The following TMPRSS11B variants were observed in gnomAD, a reference collection of about 807,000 sequenced individuals.
TMPRSS11B encodes the protein transmembrane serine protease 11B.
In TMPRSS11B, 53 loss-of-function variants were observed where a neutral mutation model predicts 44.7. The observed-to-expected ratio is 1.19, with a 90% CI of 0.95 to 1.49. The LOEUF is 1.49. TMPRSS11B is among the 40% of genes most tolerant of loss of function. The pLI, the probability that TMPRSS11B is intolerant of heterozygous loss-of-function variation, is 0.00. For synonymous variants in TMPRSS11B, 140 were observed against 159.2 expected, an observed-to-expected ratio of 0.88 and a Z score of 0.91; for missense variants, 526 against 494.8, an observed-to-expected ratio of 1.06 and a Z score of -0.60.
At chr4:68,245,209 A>G (rs576023666) in intron 1 of TMPRSS11B, among the ~76,000 whole-genome samples, 1 of 152,278 alleles carries the variant, frequency 6.6e-6, no homozygotes, top group South Asian at 2.1e-4. Context: ...AGAAAATTTG[A>G]TTTCAATTAC....
At position 68,227,948 on chromosome 4, in the gene TMPRSS11B, G is replaced by A. The variant is rs774974683; in HGVS notation, c.1214C>T (p.Ser405Phe). The change falls in exon 10 of 10, where the codon TCT becomes TTT. Residue 405 changes from serine (S) to phenylalanine (F), a missense_variant. Transcript: ENST00000332644. Reference sequence around the variant, plus strand: ...CTTGGATGTAATCCAATTGCGATAAGAAGTCACTCGAGTATAGACACCTGG... The same window carrying A: ...CTTGGATGTAATCCAATTGCGATAAAAAGTCACTCGAGTATAGACACCTGG... ...NKPGVYTRVT[S>F]YRNWITSKTG... 15 of 1,612,226 alleles carry A rather than the reference G, an allele frequency of 9.3e-6. No individual in the cohort carries two copies. In the South Asian group the frequency reaches 1.7e-4, roughly 18 times the overall value.
intron 9 of TMPRSS11B, 51 bp downstream of exon 9, chr4:68,228,690 CT>C (rs1719420847): frequency 6.5e-7 from 1 of 1,545,450 alleles, no homozygotes; most frequent in East Asian, 2.3e-5. Flanking sequence ...TGGATAAAAA[CT>C]TCCATTTGAT....
chr4:68,228,630 G>T lies in TMPRSS11B; in HGVS notation c.1089+112C>A. The T allele has an allele frequency of 5.6e-6, 6 of 1,074,484 alleles. No individual in the cohort carries two copies. The South Asian group carries it at 1.0e-4, about 18-fold the overall frequency. 66.6% of individuals were successfully genotyped at this position (1,074,484 alleles called of 1,614,324 possible). ...GGAATTAATACATTTTTAGTGTATT[G>T]AAATACAAAGCTACTATGTCAGTAT... On this transcript the variant is annotated intron_variant, in intron 9 of 9. Transcript: ENST00000332644.
intron 7 of TMPRSS11B, among the ~76,000 whole-genome samples, chr4:68,230,533 G>GTGGC (rs1204247174): frequency 2.6e-5 from 4 of 152,138 alleles, no homozygotes; most frequent in Non-Finnish European, 5.9e-5. Context: ...GCTGGGCATG[G>GTGGC]TGGCTCGCAC....
In TMPRSS11B at chr4:68,229,452, G is replaced by A. The variant is rs201912154; in HGVS notation, c.751C>T (p.Arg251Trp). Residue 251 changes from arginine (R) to tryptophan (W), a missense_variant, in exon 8 of 10, where the codon CGG becomes TGG. By Grantham distance (101) the Arg-to-Trp change is moderately radical (BLOSUM62 -3). Coordinates refer to ENST00000332644, the MANE Select transcript of TMPRSS11B (RefSeq NM_182502.3). ...GIVVNKPYMT[R>W]KVQNIIFHEN... ...TGAAAAATAATGTTTTGGACTTTCC[G>A]TGTCATATATGGTTTATTTACTACA... The A allele has an allele frequency of 4.1e-4, 654 of 1,613,530 alleles. 3 individuals carry two copies. Among genetic ancestry groups the A allele is most frequent in the Middle Eastern group, 4.0e-3 (24 of 6,050 alleles).
At chr4:68,230,220 A>T (rs1719471153) in intron 7 of TMPRSS11B, among the ~76,000 whole-genome samples, 2 of 152,182 alleles carry the variant, frequency 1.3e-5, no homozygotes, top group African/African-American at 4.8e-5. Context: ...TGTGGTGTAC[A>T]TACAAGTGCA....
Position 68,228,072 on chromosome 4 carries a change from T to C in TMPRSS11B, c.1090A>G (p.Asn364Asp). ...FMSGEADACQ[N>D]DSGGPLAYPD... The stretch of plus-strand genomic sequence containing the variant: ...TAAGCTAGTGGTCCACCAGAATCAT[T>C]CTAGAAGAAGAAAAGAAAAAAATGT... The change falls in exon 10 of 10, where the codon AAT becomes GAT. Residue 364 changes from asparagine to aspartate, a missense_variant and splice_region_variant. Transcript: ENST00000332644. 6.3e-7 allele frequency: 1 copy of C among 1,588,184 alleles called. No homozygotes were observed. Among genetic ancestry groups the C allele is most frequent in the East Asian group, 2.2e-5 (1 of 44,692 alleles).
Position 68,245,626 on chromosome 4 carries a change from C to T in TMPRSS11B, c.-68G>A, listed in dbSNP as rs185440598. ...ATGATGATGACGAAGATAACGATAA[C>T]GATGACAATGCTGGTAATAGTGATG... On this transcript the variant is annotated 5_prime_UTR_variant, in exon 1 of 10. Transcript: ENST00000332644. 3.0e-4 allele frequency: 473 copies of T among 1,564,778 alleles called. No individual in the cohort carries two copies. Among genetic ancestry groups the T allele is most frequent in the Middle Eastern group, 1.7e-3 (10 of 5,968 alleles).
Position 68,234,526 on chromosome 4 carries a change from G to GTAA in TMPRSS11B, c.403_405dup (p.Leu135dup). On this transcript the variant is annotated inframe_insertion, in exon 5 of 10. Transcript: ENST00000332644. ...GCCATGTTGTTTTTCAACATCTGAT[G>GTAA]TAATTTAGCCTTGATTTTAGTCCTC... 1 of 1,613,984 alleles carries GTAA rather than the reference G, an allele frequency of 6.2e-7. No homozygotes were observed. Among genetic ancestry groups the GTAA allele is most frequent in the Non-Finnish European group, 8.5e-7 (1 of 1,179,952 alleles).
intron 7 of TMPRSS11B, 88 bp from the exon 8 acceptor site, chr4:68,229,604 G>C (rs1719454865): frequency 7.8e-7 from 1 of 1,276,582 alleles, no homozygotes; most frequent in Non-Finnish European, 1.1e-6. Flanking sequence ...TTTAAGGCAT[G>C]AGGTTCCCAA....
intron 1 of TMPRSS11B, among the ~76,000 whole-genome samples, chr4:68,242,326 ATAT>A (rs1220402869): frequency 4.5e-5 from 3 of 66,676 alleles, no homozygotes; most frequent in African/African-American, 1.5e-4. Context: ...TATATATATA[ATAT>A]TATATTATAT....
At chr4:68,235,361 TTTTG>T (rs1243225923) in intron 4 of TMPRSS11B, among the ~76,000 whole-genome samples, 2 of 152,136 alleles carry the variant, frequency 1.3e-5, no homozygotes, top group Non-Finnish European at 2.9e-5. Flanking sequence ...CAGCTGGATT[TTTTG>T]TTTGTTTTGT....
chr4:68,236,164 T>C lies in TMPRSS11B; in HGVS notation c.227A>G (p.Asp76Gly), dbSNP rs1340273959. The C allele has an allele frequency of 6.2e-7, 1 of 1,608,546 alleles. No homozygotes were observed. Among genetic ancestry groups the C allele is most frequent in the Non-Finnish European group, 8.5e-7 (1 of 1,177,312 alleles). The stretch of plus-strand genomic sequence containing the variant: ...TCTCTGATTTACCTTAGTCTCAATA[T>C]CTTTGCTTAGATTTGTGCTGGCTTG... ...ASQASTNLSK[D>G]IETKMLNAFQ... The change falls in exon 3 of 10, where the codon GAT becomes GGT. Residue 76 changes from aspartate (D) to glycine (G), a missense_variant. Asp to Gly is a moderately conservative substitution (Grantham distance 94, BLOSUM62 -1). Coordinates refer to ENST00000332644, the MANE Select transcript of TMPRSS11B (RefSeq NM_182502.3).
At chr4:68,234,157 T>A (rs1719595015) in intron 5 of TMPRSS11B, among the ~76,000 whole-genome samples, 1 of 150,594 alleles carries the variant, frequency 6.6e-6, no homozygotes, top group South Asian at 2.1e-4. Context: ...CAAGACTCCA[T>A]CTCAAAAAAA....
chr4:68,232,297 T>C, intron 6 of TMPRSS11B, 81 bp downstream of exon 6: 4 of 1,344,906 alleles, frequency 3.0e-6, no homozygotes, highest in Non-Finnish European at 2.1e-6. Context: ...ACATGACATA[T>C]TTCAAGTATT....
chr4:68,233,501 TATC>T (rs1719576579), intron 5 of TMPRSS11B, among the ~76,000 whole-genome samples: 1 of 152,084 alleles, frequency 6.6e-6, no homozygotes, highest in African/African-American at 2.4e-5. Context: ...GGCAAAATCT[TATC>T]ATTTTTCTGT....
chr4:68,229,491 C>A lies in TMPRSS11B; in HGVS notation c.712G>T (p.Val238Phe), dbSNP rs1719451838. ...TTATTTACTACAATTCCAAAGTTGA[C>A]AGTCCAATCTTTTGAATTATTTTTC... Reference protein sequence around the residue: ...AKKNNSKDWTVNFGIVVNKPY... With the variant: ...AKKNNSKDWTFNFGIVVNKPY... Residue 238 changes from valine (V) to phenylalanine (F), a missense_variant, in exon 8 of 10, where the codon GTC (valine) becomes TTC (phenylalanine). Physicochemically the swap from Val to Phe is conservative, Grantham distance 50 (BLOSUM62 -1). Coordinates refer to ENST00000332644, the MANE Select transcript of TMPRSS11B (RefSeq NM_182502.3). The A allele has an allele frequency of 1.2e-6, 2 of 1,612,752 alleles. No homozygotes were observed. Among genetic ancestry groups the A allele is most frequent in the African/African-American group, 2.7e-5 (2 of 74,838 alleles).
At chr4:68,229,169 T>C in intron 8 of TMPRSS11B, 88 bp downstream of exon 8, 4 of 1,314,100 alleles carry the variant, frequency 3.0e-6, no homozygotes, top group Non-Finnish European at 4.2e-6. Flanking sequence ...ATTGATTAAT[T>C]GCATGAGGGG....
At chr4:68,239,895 A>C (rs909138704) in intron 2 of TMPRSS11B, among the ~76,000 whole-genome samples, 7 of 152,184 alleles carry the variant, frequency 4.6e-5, no homozygotes, top group African/African-American at 1.7e-4. Context: ...TAGGGTTTGG[A>C]ACTATTAGAT....
Sources: allele counts gnomAD v4.1 joint callset (sites outside exome capture counted in the v4.1 genomes callset), GRCh38; gene constraint gnomAD v4.1.1; transcripts MANE v1.5; gene names NCBI Gene and HGNC (gene_info 2026-07-23, HGNC 2026-07-21).